The following IFITM10 variants were observed in gnomAD, a reference collection of about 807,000 sequenced individuals.
IFITM10 encodes interferon induced transmembrane protein 10.
In IFITM10, 17 loss-of-function variants were observed where a neutral mutation model predicts 19.0. The observed-to-expected ratio is 0.90, with a 90% CI of 0.61 to 1.34. The LOEUF (loss-of-function observed/expected upper bound fraction) is 1.34, where lower values mean the gene tolerates loss of function less well. Among genes scored for constraint, IFITM10 ranks in the 40% most tolerant of loss-of-function variants. The pLI is 0.00. For synonymous variants in IFITM10, 148 were observed against 147.2 expected (o/e 1.01, Z -0.04); for missense variants, 306 against 319.8 (o/e 0.96, Z 0.33).
At chr11:1,745,133 G>A (rs1044806699) in intron 2 of IFITM10, 1 of 152,516 alleles carries the variant, frequency 6.6e-6, no homozygotes, top group African/African-American at 2.4e-5. Context: ...ACCCTCAGAA[G>A]GGTCAACCTC....
At chr11:1,746,744 C>A (rs1006915361) in intron 2 of IFITM10, 10 of 398,864 alleles carry the variant, frequency 2.5e-5, no homozygotes, top group Non-Finnish European at 4.0e-5. Flanking sequence ...TCTCCCCCAC[C>A]CGGCAGGGCA....
At chr11:1,740,315 A>AG (rs775790822) in intron 2 of IFITM10, among the ~76,000 whole-genome samples, 1 of 143,674 alleles carries the variant, frequency 7.0e-6, no homozygotes, top group African/African-American at 2.5e-5. Context: ...AAAAAAAAAA[A>AG]AAAAAAAAAG....
rs545311312 is a variant in IFITM10, at chr11:1,733,807, C to G, written c.*1473G>C. The G allele has an allele frequency of 4.0e-4, 62 of 153,150 alleles. No homozygotes were observed. The highest frequency in any genetic ancestry group is 7.7e-4 in the Non-Finnish European group (53 of 68,842). 9.5% of individuals were successfully genotyped at this position (153,150 alleles called of 1,614,324 possible). On this transcript the variant is annotated 3_prime_UTR_variant, in exon 3 of 3. Coordinates refer to ENST00000340134, the MANE Select transcript of IFITM10 (RefSeq NM_001170820.4). The surrounding 1 kb of genome is among the most constrained non-coding windows in gnomAD (Gnocchi z 6.3). Reference sequence around the variant, plus strand: ...CCCCACTGACTGCACAGCTGCCACGCAGGCGCCCTGCTGTCCAGCCCTCTG... The same window carrying G: ...CCCCACTGACTGCACAGCTGCCACGGAGGCGCCCTGCTGTCCAGCCCTCTG...
At chr11:1,738,404 G>A (rs1236878925) in intron 2 of IFITM10, among the ~76,000 whole-genome samples, 1 of 152,254 alleles carries the variant, frequency 6.6e-6, no homozygotes, top group Non-Finnish European at 1.5e-5. Context: ...AAAAGCATAC[G>A]TCGAACCGTC....
At chr11:1,746,263 C>T (rs1303074047) in intron 2 of IFITM10, 10 of 254,270 alleles carry the variant, frequency 3.9e-5, no homozygotes, top group South Asian at 2.0e-4. Context: ...TGCCCACCCA[C>T]GTAATTACAC....
chr11:1,748,073 C>T lies in IFITM10; in HGVS notation c.131G>A (p.Ser44Asn). 1.4e-6 allele frequency: 2 copies of T among 1,414,980 alleles called. No individual in the cohort carries two copies. Among genetic ancestry groups the T allele is most frequent in the South Asian group, 1.5e-5 (1 of 65,924 alleles). The allele number at this position is 1,414,980 out of a possible 1,614,324, so 87.7% of individuals were successfully genotyped here. The change falls in exon 2 of 3, where the codon AGC (serine) becomes AAC (asparagine). Residue 44 changes from serine to asparagine, a missense_variant. Physicochemically the swap from Ser to Asn is conservative, Grantham distance 46. Coordinates refer to ENST00000340134, the MANE Select transcript of IFITM10 (RefSeq NM_001170820.4). ...GGCTTCCTGGGCGCCGTCCGTGGTG[C>T]TGGCCGGGTCTCCCAGCGGGGCTGG... Reference protein sequence around the residue: ...QCPAPLGDPASTTDGAQEARV... With the variant: ...QCPAPLGDPANTTDGAQEARV...
intron 2 of IFITM10, among the ~76,000 whole-genome samples, chr11:1,747,184 C>A (rs1845660357): frequency 6.6e-6 from 1 of 152,158 alleles, no homozygotes; most frequent in African/African-American, 2.4e-5. Flanking sequence ...TGTGTAAGCA[C>A]CTGCCCTTGG....
Position 1,748,118 on chromosome 11 carries a change from G to A in IFITM10, c.86C>T (p.Ala29Val). 7 of 1,372,828 alleles carry A rather than the reference G, an allele frequency of 5.1e-6. No individual in the cohort carries two copies. Among genetic ancestry groups the A allele is most frequent in the Non-Finnish European group, 6.5e-6 (7 of 1,071,262 alleles). The allele number at this position is 1,372,828 out of a possible 1,614,324, so 85.0% of individuals were successfully genotyped here. ...ERVEAQWELE[A>V]QGPGQCPAPL... Reference sequence around the variant, plus strand: ...GGCTGGGCACTGGCCGGGGCCCTGGGCCTGGAGAGGAGAAAGTGAGAGCAA... The same window carrying A: ...GGCTGGGCACTGGCCGGGGCCCTGGACCTGGAGAGGAGAAAGTGAGAGCAA... The change falls in exon 2 of 3, where the codon GCC becomes GTC. Residue 29 changes from alanine to valine, a missense_variant and splice_region_variant. By Grantham distance (64) the Ala-to-Val change is moderately conservative. Transcript: ENST00000340134.
chr11:1,744,693 G>A (rs924993671), intron 2 of IFITM10: 1 of 152,512 alleles, frequency 6.6e-6, no homozygotes, highest in Non-Finnish European at 1.5e-5. Context: ...GGGCAGGCAA[G>A]GACACACTGT....
At chr11:1,737,917 C>G (rs1413265920) in intron 2 of IFITM10, among the ~76,000 whole-genome samples, 1 of 152,080 alleles carries the variant, frequency 6.6e-6, no homozygotes, top group African/African-American at 2.4e-5. Flanking sequence ...AATAACGTGG[C>G]AGAGGGAGGA....
Position 1,750,410 on chromosome 11 carries a change from G to A in IFITM10, c.33C>T (p.Ile11=), listed in dbSNP as rs1845703562. The stretch of plus-strand genomic sequence containing the variant: ...TCTCCAAAGTCCCCCGGAAGCTGAG[G>A]ATGCATGGCGGCCCCCGTTTTCCCT... MREGKRGPPC[I]LSFRGTLERV... The change falls in exon 1 of 3, where the codon ATC becomes ATT. Residue 11 remains isoleucine, a synonymous_variant. Transcript: ENST00000340134. The A allele has an allele frequency of 5.2e-6, 8 of 1,550,274 alleles. No homozygotes were observed. The highest frequency in any genetic ancestry group is 7.0e-6 in the Non-Finnish European group (8 of 1,146,960).
intron 2 of IFITM10, chr11:1,745,835 T>C (rs1028286668): frequency 1.3e-5 from 2 of 148,508 alleles, no homozygotes; most frequent in Admixed American, 1.3e-4. Flanking sequence ...CACACACCCG[T>C]GCACACACAT....
At chr11:1,735,783 C>T (rs1262705869) in intron 2 of IFITM10, among the ~76,000 whole-genome samples, 1 of 152,054 alleles carries the variant, frequency 6.6e-6, no homozygotes, top group African/African-American at 2.4e-5. Context: ...TTTCTTTTTG[C>T]AAGTTTTAAA....
chr11:1,740,299 CAAA>C (rs58480346), intron 2 of IFITM10, among the ~76,000 whole-genome samples: 3 of 41,016 alleles, frequency 7.3e-5, no homozygotes, highest in African/African-American at 2.8e-4. Flanking sequence ...GACTCCATCT[CAAA>C]AAAAAAAAAA....
At chr11:1,739,488 C>G (rs1458646802) in intron 2 of IFITM10, among the ~76,000 whole-genome samples, 1 of 152,232 alleles carries the variant, frequency 6.6e-6, no homozygotes, top group East Asian at 1.9e-4. Context: ...AACAGAGTCT[C>G]TGTCCTCACG....
At chr11:1,746,358 A>C (rs1845649751) in intron 2 of IFITM10, 2 of 393,436 alleles carry the variant, frequency 5.1e-6, no homozygotes, top group East Asian at 3.6e-5. Context: ...ACACATGCAC[A>C]CACAAAAATA....
chr11:1,745,868 C>G (rs547360163), intron 2 of IFITM10: 1 of 150,944 alleles, frequency 6.6e-6, no homozygotes, highest in Non-Finnish European at 1.5e-5. Flanking sequence ...TGCACACTCA[C>G]GTGTGATTAC....
rs1372253941 is a variant in IFITM10 at position 1,746,344 on chromosome 11, GCA to G, written c.537+1321_537+1322del. The stretch of plus-strand genomic sequence containing the variant: ...CCTGCCTACACACAGTCATACACAT[GCA>G]CACACATGCACACACAAAAATATAT... On this transcript the variant is annotated intron_variant, in intron 2 of 2. Transcript: ENST00000340134. The G allele has an allele frequency of 2.9e-4, 112 of 387,764 alleles. 1 individual carries two copies. Among genetic ancestry groups the G allele is most frequent in the African/African-American group, 8.3e-4 (40 of 48,304 alleles). 24.0% of individuals were successfully genotyped at this position (387,764 alleles called of 1,614,324 possible).
chr11:1,750,576 C>G lies in IFITM10; in HGVS notation c.-134G>C. 1 of 1,173,208 alleles carries G rather than the reference C, an allele frequency of 8.5e-7. No homozygotes were observed. Among genetic ancestry groups the G allele is most frequent in the South Asian group, 1.5e-5 (1 of 68,074 alleles). 72.7% of individuals were successfully genotyped at this position (1,173,208 alleles called of 1,614,324 possible). Reference sequence around the variant, plus strand: ...TGGGGTCCTGTCTGCCTGCCTGTGCCTGACTCTGAACCCTTTCTCTCCCCA... The same window carrying G: ...TGGGGTCCTGTCTGCCTGCCTGTGCGTGACTCTGAACCCTTTCTCTCCCCA... On this transcript the variant is annotated 5_prime_UTR_variant, in exon 1 of 3. Coordinates refer to ENST00000340134, the MANE Select transcript of IFITM10 (RefSeq NM_001170820.4).
Sources: allele counts gnomAD v4.1 joint callset (sites outside exome capture counted in the v4.1 genomes callset), GRCh38; gene constraint gnomAD v4.1.1; non-coding constraint Gnocchi (gnomAD v3.1); transcripts MANE v1.5; gene names NCBI Gene and HGNC (gene_info 2026-07-23, HGNC 2026-07-21).